Variants in ATRN observed in about 807,000 individuals in gnomAD.
ATRN encodes attractin-2.
Under a neutral mutation model 178.7 loss-of-function variants are expected in ATRN, and 54 were observed. That is an observed-to-expected ratio of 0.30 (90% CI 0.24 to 0.38). The LOEUF (loss-of-function observed/expected upper bound fraction) is 0.38, where lower values mean the gene tolerates loss of function less well. Ranked by LOEUF, ATRN falls within the 10% of genes least tolerant of loss-of-function variation. ATRN has a pLI of 1.00. For missense variants in ATRN, 1,443 were observed against 1,815.1 expected (o/e 0.79, Z 3.73); for synonymous variants, 636 against 663.0 (o/e 0.96, Z 0.63).
chr20:3,481,647 C>A (rs2084622666), intron 1 of ATRN, among the ~76,000 whole-genome samples: 1 of 139,262 alleles, frequency 7.2e-6, no homozygotes, highest in African/African-American at 2.7e-5. Flanking sequence ...TGCTTGGACC[C>A]TTTAAATTTT....
intron 1 of ATRN, among the ~76,000 whole-genome samples, chr20:3,522,155 G>T (rs2085304654): frequency 6.6e-6 from 1 of 152,002 alleles, no homozygotes; most frequent in South Asian, 2.1e-4. Flanking sequence ...TGGAAATTAA[G>T]CAACATCTAA....
intron 1 of ATRN, among the ~76,000 whole-genome samples, chr20:3,519,680 C>T (rs1036559914): frequency 9.2e-5 from 14 of 152,042 alleles, no homozygotes; most frequent in Admixed American, 7.2e-4. Flanking sequence ...CAGAGGTCAC[C>T]GCTAAAGAAC....
chr20:3,567,523 A>G (rs2094333731), intron 11 of ATRN, among the ~76,000 whole-genome samples: 1 of 152,140 alleles, frequency 6.6e-6, no homozygotes, highest in Admixed American at 6.5e-5. Context: ...TTGAACCCTG[A>G]TATGTAAGTA....
In ATRN at chr20:3,632,778, A is replaced by T. The variant is rs979337553; in HGVS notation, c.3864-1533A>T. Reference sequence around the variant, plus strand: ...TGCTGGAATGTAAATTCCATGGGACAGTAATCTTTGCTCTGTTTATCAGTG... The same window carrying T: ...TGCTGGAATGTAAATTCCATGGGACTGTAATCTTTGCTCTGTTTATCAGTG... On this transcript the variant is annotated intron_variant, in intron 25 of 28. Transcript: ENST00000262919. The surrounding 1 kb of genome is among the most constrained non-coding windows in gnomAD (Gnocchi z 4.2). Among the ~76,000 whole-genome samples, 1 of 152,222 alleles carries T rather than the reference A, an allele frequency of 6.6e-6. No individual in the cohort carries two copies. Among genetic ancestry groups the T allele is most frequent in the Non-Finnish European group, 1.5e-5 (1 of 68,052 alleles).
intron 1 of ATRN, among the ~76,000 whole-genome samples, chr20:3,497,062 C>T (rs1324520205): frequency 5.3e-5 from 8 of 151,278 alleles, no homozygotes; most frequent in South Asian, 4.2e-4. Flanking sequence ...TGTCTCTGCA[C>T]GTGAGATGGG....
chr20:3,566,513 T>C (rs2086038061), intron 11 of ATRN, among the ~76,000 whole-genome samples: 1 of 152,246 alleles, frequency 6.6e-6, no homozygotes, highest in Non-Finnish European at 1.5e-5. Context: ...TAAGGATGTT[T>C]AAGCGTTATA....
intron 24 of ATRN, among the ~76,000 whole-genome samples, chr20:3,621,190 C>T (rs1424795149): frequency 2.0e-5 from 3 of 151,920 alleles, no homozygotes; most frequent in Non-Finnish European, 2.9e-5. Flanking sequence ...CCAGTGGGGC[C>T]GGGGATGCTT....
chr20:3,492,871 GCACGCA>G (rs2084820422), intron 1 of ATRN, among the ~76,000 whole-genome samples: 8 of 132,450 alleles, frequency 6.0e-5, no homozygotes, highest in African/African-American at 2.2e-4. Context: ...GCGCGCGTGC[GCACGCA>G]CACACACACA....
chr20:3,649,896 T>A lies in ATRN; in HGVS notation c.*3049T>A, dbSNP rs1386104950. 1.3e-5 allele frequency: 2 copies of A among 152,216 alleles called. No individual in the cohort carries two copies. Among genetic ancestry groups the A allele is most frequent in the Non-Finnish European group, 2.9e-5 (2 of 68,052 alleles). The allele number at this position is 152,216 out of a possible 1,614,324, so 9.4% of individuals were successfully genotyped here. On this transcript the variant is annotated 3_prime_UTR_variant, in exon 29 of 29. Transcript: ENST00000262919. ...TGGGAGTAGGGAGCTAGTTTGTTGA[T>A]AAATAGTTCCCATTTCCCCATGGAG...
intron 1 of ATRN, among the ~76,000 whole-genome samples, chr20:3,487,911 T>C (rs1197625386): frequency 6.6e-6 from 1 of 152,170 alleles, no homozygotes; most frequent in East Asian, 1.9e-4. Flanking sequence ...AAAAGCTCTT[T>C]AAGGGTTCCA....
intron 6 of ATRN, among the ~76,000 whole-genome samples, chr20:3,557,729 A>C (rs1415196602): frequency 1.3e-5 from 2 of 152,234 alleles, no homozygotes; most frequent in Non-Finnish European, 2.9e-5. Context: ...TTTTATAACA[A>C]AAATTGGAAG....
chr20:3,493,296 G>A (rs1350530946), intron 1 of ATRN, among the ~76,000 whole-genome samples: 1 of 150,730 alleles, frequency 6.6e-6, no homozygotes, highest in African/African-American at 2.4e-5. Flanking sequence ...TAGGACTGCA[G>A]GTGTGTGCCA....
At chr20:3,617,721 A>G (rs749312768) in intron 24 of ATRN, among the ~76,000 whole-genome samples, 1 of 152,150 alleles carries the variant, frequency 6.6e-6, no homozygotes, top group Non-Finnish European at 1.5e-5. Flanking sequence ...AAATAAAGGT[A>G]TGAGTATATG....
At position 3,539,675 on chromosome 20, in the gene ATRN, A is replaced by G. The variant is rs1453146649; in HGVS notation, c.495-547A>G. 5.9e-5 allele frequency among the ~76,000 whole-genome samples: 9 copies of G among 152,230 alleles called. No homozygotes were observed. The East Asian group carries it at 1.3e-3, about 23-fold the overall frequency. Reference sequence around the variant, plus strand: ...GTTGGAGAGCAGAGACCATTGCTGGAACCAGTCTACCCAGTGGTGTGGTAT... The same window carrying G: ...GTTGGAGAGCAGAGACCATTGCTGGGACCAGTCTACCCAGTGGTGTGGTAT... On this transcript the variant is annotated intron_variant, in intron 2 of 28. Transcript: ENST00000262919.
intron 1 of ATRN, among the ~76,000 whole-genome samples, chr20:3,516,324 A>G (rs1384582754): frequency 1.3e-5 from 2 of 152,138 alleles, no homozygotes; most frequent in Non-Finnish European, 2.9e-5. Flanking sequence ...TTGTTGGTAT[A>G]TAAGAGTAAG....
chr20:3,620,532 C>T (rs1377361640), intron 24 of ATRN, among the ~76,000 whole-genome samples: 1 of 152,220 alleles, frequency 6.6e-6, no homozygotes. Context: ...GCGTGAGCCA[C>T]TGCATCCAGC....
intron 1 of ATRN, among the ~76,000 whole-genome samples, chr20:3,503,579 A>T (rs2084993399): frequency 6.6e-6 from 1 of 152,182 alleles, no homozygotes; most frequent in Admixed American, 6.6e-5. Context: ...TTTAGAACTG[A>T]AAAACAACAG....
At chr20:3,614,776 C>A (rs2086819434) in intron 24 of ATRN, among the ~76,000 whole-genome samples, 3 of 152,066 alleles carry the variant, frequency 2.0e-5, no homozygotes, top group Admixed American at 6.6e-5. Context: ...CAGAAGAAGC[C>A]CCTAGCAGTC....
At chr20:3,594,852 T>C (rs183370807) in intron 20 of ATRN, among the ~76,000 whole-genome samples, 2 of 152,338 alleles carry the variant, frequency 1.3e-5, no homozygotes, top group East Asian at 3.9e-4. Context: ...GGAGTAGTCA[T>C]TTTAACTTCA....
Sources: allele counts gnomAD v4.1 joint callset (sites outside exome capture counted in the v4.1 genomes callset), GRCh38; gene constraint gnomAD v4.1.1; non-coding constraint Gnocchi (gnomAD v3.1); transcripts MANE v1.5; gene names NCBI Gene and HGNC (gene_info 2026-07-23, HGNC 2026-07-21).